Variants in CCDC60 observed in about 807,000 individuals in gnomAD.
CCDC60 encodes coiled-coil domain containing 60.
A neutral mutation model predicts 63.5 loss-of-function variants in CCDC60; 54 were observed. That is an observed-to-expected ratio of 0.85 (90% CI 0.68 to 1.07). CCDC60 has a LOEUF of 1.07. CCDC60 is among the 50% of genes least tolerant of loss of function. The pLI is 0.00. For missense variants in CCDC60, 651 were observed against 684.3 expected, an observed-to-expected ratio of 0.95 and a Z score of 0.54; for synonymous variants, 206 against 238.8, an observed-to-expected ratio of 0.86 and a Z score of 1.27.
At chr12:119,528,183 A>T (rs1330779190) in intron 11 of CCDC60, among the ~76,000 whole-genome samples, 1 of 152,132 alleles carries the variant, frequency 6.6e-6, no homozygotes. Flanking sequence ...GAGACAGAAC[A>T]TAGGCACAAG....
At chr12:119,489,900 C>A (rs566676) in intron 5 of CCDC60, among the ~76,000 whole-genome samples, 69,675 of 151,376 alleles carry the variant, frequency 0.46, 16,847 homozygotes, top group East Asian at 0.84. Flanking sequence ...CGGGTTCAAG[C>A]GATTCTCCTG....
intron 9 of CCDC60, among the ~76,000 whole-genome samples, chr12:119,521,264 G>T (rs1593210799): frequency 6.6e-6 from 1 of 152,222 alleles, no homozygotes; most frequent in South Asian, 2.1e-4. Flanking sequence ...TTCCATTTTG[G>T]TTGAAAGTTA....
At chr12:119,452,712 T>C (rs1950656344) in intron 2 of CCDC60, among the ~76,000 whole-genome samples, 1 of 152,232 alleles carries the variant, frequency 6.6e-6, no homozygotes, top group African/African-American at 2.4e-5. Context: ...GAGATGGTAG[T>C]AGTAATAGTT....
At chr12:119,419,439 A>G (rs1418230334) in intron 1 of CCDC60, among the ~76,000 whole-genome samples, 2 of 152,216 alleles carry the variant, frequency 1.3e-5, no homozygotes, top group African/African-American at 4.8e-5. Flanking sequence ...GCATCACTTC[A>G]GGTTCACCTG....
intron 3 of CCDC60, among the ~76,000 whole-genome samples, chr12:119,478,669 A>T (rs1358278887): frequency 7.5e-6 from 1 of 132,638 alleles, no homozygotes; most frequent in Non-Finnish European, 1.5e-5. Context: ...GTGCAATGGC[A>T]CGATCTCAGC....
chr12:119,482,006 A>AGTATATATAT (rs1566033868), intron 4 of CCDC60, among the ~76,000 whole-genome samples: 16 of 80,036 alleles, frequency 2.0e-4, no homozygotes, highest in African/African-American at 6.9e-4. Flanking sequence ...ATGTATATAT[A>AGTATATATAT]GTATATATAT....
At chr12:119,345,041 G>A (rs61939533) in intron 1 of CCDC60, among the ~76,000 whole-genome samples, 14,074 of 152,112 alleles carry the variant, frequency 0.093, 833 homozygotes, top group Non-Finnish European at 0.14. Context: ...CTAGGAAACT[G>A]TAAGCTCCTC....
intron 1 of CCDC60, among the ~76,000 whole-genome samples, chr12:119,424,110 A>G (rs1197008230): frequency 1.3e-5 from 2 of 152,210 alleles, no homozygotes; most frequent in African/African-American, 4.8e-5. Flanking sequence ...TTAACAATTT[A>G]TTGTATTTAC....
intron 1 of CCDC60, among the ~76,000 whole-genome samples, chr12:119,418,771 C>G (rs886137736): frequency 2.0e-5 from 3 of 152,248 alleles, no homozygotes; most frequent in Middle Eastern, 3.4e-3. Context: ...CCCTTTATAG[C>G]CTTGTCTCCA....
intron 2 of CCDC60, among the ~76,000 whole-genome samples, chr12:119,448,814 A>C (rs1381138484): frequency 1.3e-5 from 2 of 152,154 alleles, no homozygotes; most frequent in African/African-American, 4.8e-5. Flanking sequence ...CCTTCCAGAA[A>C]TCACCCTAAT....
At chr12:119,359,947 A>G (rs1260099014) in intron 1 of CCDC60, among the ~76,000 whole-genome samples, 2 of 151,724 alleles carry the variant, frequency 1.3e-5, no homozygotes, top group African/African-American at 4.8e-5. Context: ...CTACACAGAC[A>G]CGGCAACCAT....
At chr12:119,340,299 G>T (rs1955518847) in intron 1 of CCDC60, among the ~76,000 whole-genome samples, 1 of 152,162 alleles carries the variant, frequency 6.6e-6, no homozygotes, top group African/African-American at 2.4e-5. Context: ...CTGGCATACA[G>T]TAAATACCAT....
At chr12:119,341,184 A>G (rs576134975) in intron 1 of CCDC60, among the ~76,000 whole-genome samples, 31 of 152,328 alleles carry the variant, frequency 2.0e-4, no homozygotes, top group Admixed American at 1.5e-3. Context: ...GTCTAATTGC[A>G]TGGGCATGTG....
At position 119,535,761 on chromosome 12, in the gene CCDC60, T is replaced by C. The variant is rs138849834; in HGVS notation, c.1551+4698T>C. 1.2e-3 allele frequency among the ~76,000 whole-genome samples: 187 copies of C among 152,394 alleles called. 2 individuals carry two copies. The East Asian group carries it at 0.027, about 22-fold the overall frequency. On this transcript the variant is annotated intron_variant, in intron 13 of 13. Coordinates refer to ENST00000327554, the MANE Select transcript of CCDC60 (RefSeq NM_178499.5). Reference sequence around the variant, plus strand: ...TCTTAATCCTGAATTCTAATTTGATTGCACTGTGGTCTGAGAGACAGTTTG... The same window carrying C: ...TCTTAATCCTGAATTCTAATTTGATCGCACTGTGGTCTGAGAGACAGTTTG...
chr12:119,536,745 T>G (rs1291880860), intron 13 of CCDC60, among the ~76,000 whole-genome samples: 1 of 152,194 alleles, frequency 6.6e-6, no homozygotes, highest in East Asian at 1.9e-4. Context: ...ATATTGGCCC[T>G]TACTCTCTTC....
chr12:119,404,576 T>G (rs1387376292), intron 1 of CCDC60, among the ~76,000 whole-genome samples: 1 of 152,132 alleles, frequency 6.6e-6, no homozygotes, highest in Non-Finnish European at 1.5e-5. Context: ...TGAGGATGAT[T>G]TATTGACAAG....
At chr12:119,387,706 G>A (rs968497591) in intron 1 of CCDC60, among the ~76,000 whole-genome samples, 5 of 152,078 alleles carry the variant, frequency 3.3e-5, no homozygotes, top group Non-Finnish European at 7.4e-5. Flanking sequence ...AAACTTAAAT[G>A]TCTTAGAGAT....
At chr12:119,468,801 CA>C (rs1951001561) in intron 2 of CCDC60, among the ~76,000 whole-genome samples, 1 of 151,822 alleles carries the variant, frequency 6.6e-6, no homozygotes, top group African/African-American at 2.4e-5. Flanking sequence ...AGGCCAGGTG[CA>C]GTGGCTCATG....
At chr12:119,405,880 A>G (rs1201463470) in intron 1 of CCDC60, among the ~76,000 whole-genome samples, 4 of 152,198 alleles carry the variant, frequency 2.6e-5, no homozygotes, top group Non-Finnish European at 5.9e-5. Context: ...TAATTAAAAA[A>G]TATAGATGAG....
Sources: gnomAD v4.1 joint callset for allele counts (sites outside exome capture counted in the v4.1 genomes callset) on GRCh38, gnomAD v4.1.1 for gene constraint, MANE v1.5 for transcripts, NCBI Gene and HGNC (gene_info 2026-07-23, HGNC 2026-07-21) for gene names.